Variants in HDAC9 observed in about 807,000 individuals in gnomAD.
HDAC9 encodes the protein MEF-2 interacting transcription repressor (MITR) protein.
Under a neutral mutation model 139.4 loss-of-function variants are expected in HDAC9, and 41 were observed. The observed-to-expected ratio is 0.29, with a 90% confidence interval of 0.23 to 0.38. The LOEUF (loss-of-function observed/expected upper bound fraction) is 0.38. HDAC9 is among the 10% of genes least tolerant of loss of function. The pLI is 1.00. For missense variants in HDAC9, 1,147 were observed against 1,297.0 expected, an observed-to-expected ratio of 0.88 and a Z score of 1.78; for synonymous variants, 517 against 476.2, an observed-to-expected ratio of 1.09 and a Z score of -1.12.
chr7:18,131,468 C>T (rs1450008198), intron 1 of HDAC9, among the ~76,000 whole-genome samples: 1 of 152,158 alleles, frequency 6.6e-6, no homozygotes, highest in Non-Finnish European at 1.5e-5. Context: ...TGCTGCTTTA[C>T]TACCAAAGAA....
At chr7:18,424,017 G>A (rs1053086449) in intron 1 of HDAC9, among the ~76,000 whole-genome samples, 1 of 152,094 alleles carries the variant, frequency 6.6e-6, no homozygotes, top group African/African-American at 2.4e-5. Flanking sequence ...AATTATGAAG[G>A]TAGTTTTGAT....
intron 1 of HDAC9, among the ~76,000 whole-genome samples, chr7:18,321,296 C>T (rs1164374706): frequency 6.6e-6 from 1 of 152,184 alleles, no homozygotes; most frequent in East Asian, 1.9e-4. Flanking sequence ...CATACTCTTT[C>T]CATCCTATCC....
At chr7:18,783,025 C>A (rs969543454) in intron 16 of HDAC9, among the ~76,000 whole-genome samples, 6 of 152,122 alleles carry the variant, frequency 3.9e-5, no homozygotes, top group African/African-American at 1.4e-4. Context: ...AGGATTTGCC[C>A]AAAGCTTGCT....
intron 17 of HDAC9, among the ~76,000 whole-genome samples, chr7:18,802,436 A>G (rs1793379207): frequency 6.6e-6 from 1 of 151,958 alleles, no homozygotes; most frequent in Admixed American, 6.5e-5. Flanking sequence ...TGTTCTTGCT[A>G]TTTGTAAAAT....
chr7:18,303,573 A>G (rs1798715428), intron 1 of HDAC9, among the ~76,000 whole-genome samples: 1 of 152,102 alleles, frequency 6.6e-6, no homozygotes, highest in African/African-American at 2.4e-5. Flanking sequence ...ATTTACGTTG[A>G]AAAGCATAGG....
At chr7:18,936,985 TGAGA>T (rs890063936) in intron 23 of HDAC9, among the ~76,000 whole-genome samples, 1 of 151,488 alleles carries the variant, frequency 6.6e-6, no homozygotes, top group Non-Finnish European at 1.5e-5. Context: ...AGAAAAAATA[TGAGA>T]GAGAAAACTT....
chr7:18,164,205 G>A (rs1787847345), intron 2 of HDAC9, among the ~76,000 whole-genome samples: 1 of 152,144 alleles, frequency 6.6e-6, no homozygotes, highest in Admixed American at 6.6e-5. Context: ...TGTGCCAGGT[G>A]GGTAGGAGTT....
intron 1 of HDAC9, among the ~76,000 whole-genome samples, chr7:18,461,482 T>C (rs1051885505): frequency 2.0e-5 from 3 of 152,218 alleles, no homozygotes; most frequent in African/African-American, 7.2e-5. Context: ...CTAAAATGTT[T>C]ATAATATTGT....
At chr7:18,859,340 T>G (rs1338528129) in intron 21 of HDAC9, among the ~76,000 whole-genome samples, 1 of 152,102 alleles carries the variant, frequency 6.6e-6, no homozygotes, top group Non-Finnish European at 1.5e-5. Flanking sequence ...TCTCCTGTTA[T>G]TTTAGCTATG....
At chr7:18,818,500 A>AG in intron 17 of HDAC9, among the ~76,000 whole-genome samples, 1 of 152,242 alleles carries the variant, frequency 6.6e-6, no homozygotes, top group Non-Finnish European at 1.5e-5. Context: ...TTGTCAGTTT[A>AG]TAAATGTCAC....
intron 24 of HDAC9, among the ~76,000 whole-genome samples, chr7:18,964,077 A>T (rs576229811): frequency 1.3e-5 from 2 of 152,152 alleles, no homozygotes; most frequent in Admixed American, 6.5e-5. Context: ...GATTTCCCCA[A>T]TGCAGGTCTT....
At chr7:18,825,767 AT>A (rs1795381316) in intron 17 of HDAC9, among the ~76,000 whole-genome samples, 1 of 148,284 alleles carries the variant, frequency 6.7e-6, no homozygotes, top group African/African-American at 2.4e-5. Flanking sequence ...TATCAAAATT[AT>A]ATAGATATAT....
upstream of HDAC9, among the ~76,000 whole-genome samples, chr7:18,287,343 A>G (rs545070622): frequency 3.9e-5 from 6 of 152,340 alleles, no homozygotes; most frequent in South Asian, 1.2e-3. Flanking sequence ...AGTTTATTCT[A>G]TATAATTCCT....
chr7:18,933,912 T>G (rs1198908171), intron 22 of HDAC9, among the ~76,000 whole-genome samples: 3 of 152,088 alleles, frequency 2.0e-5, no homozygotes, highest in African/African-American at 7.2e-5. Flanking sequence ...TGTAGCAGAT[T>G]AGAGATGTCT....
chr7:18,992,551 T>G (rs889557811), intron 25 of HDAC9, among the ~76,000 whole-genome samples: 2 of 152,178 alleles, frequency 1.3e-5, no homozygotes, highest in African/African-American at 4.8e-5. Context: ...AAATAAGAAT[T>G]AAATTAAATC....
Position 18,835,880 on chromosome 7 carries a change from G to A in HDAC9, c.2587-20G>A. On this transcript the variant is annotated intron_variant, in intron 20 of 25. Coordinates refer to ENST00000686413, the MANE Select transcript of HDAC9 (RefSeq NM_178425.4). ...TTTGCTCTCTTCTCTGCCCACCGTG[G>A]TGTGTCTTTCTCTTCCCAGGTTGGA... 1 of 1,485,836 alleles carries A rather than the reference G, an allele frequency of 6.7e-7. No individual in the cohort carries two copies. Among genetic ancestry groups the A allele is most frequent in the South Asian group, 1.2e-5 (1 of 81,710 alleles). 92.0% of individuals were successfully genotyped at this position (1,485,836 alleles called of 1,614,324 possible). A position where few individuals can be genotyped will look rare whatever the true frequency, so the allele number is the denominator to read the frequency against.
intron 2 of HDAC9, among the ~76,000 whole-genome samples, chr7:18,162,844 C>G (rs112906565): frequency 3.9e-5 from 6 of 152,226 alleles, no homozygotes; most frequent in African/African-American, 1.4e-4. Flanking sequence ...TAATTATAAT[C>G]TCAGCACCTG....
At chr7:18,241,097 C>A (rs1794158211) in intron 2 of HDAC9, among the ~76,000 whole-genome samples, 1 of 152,144 alleles carries the variant, frequency 6.6e-6, no homozygotes, top group South Asian at 2.1e-4. Context: ...GTCGTTCTTT[C>A]TAGGTCTTAA....
rs150675174 is a variant in HDAC9, at chr7:18,718,318, G to A, written c.1732-9262G>A. 9.5e-3 allele frequency among the ~76,000 whole-genome samples: 1,448 copies of A among 152,146 alleles called. 11 individuals carry two copies. The highest frequency in any genetic ancestry group is 0.016 in the Non-Finnish European group (1,102 of 67,982). On this transcript the variant is annotated intron_variant, in intron 12 of 25. Coordinates refer to ENST00000686413, the MANE Select transcript of HDAC9 (RefSeq NM_178425.4). Reference sequence around the variant, plus strand: ...GCGATGTTGGCTCACTGCAATCTCCGCCTTCCAGGTTCAAGCAATTCTCCT... The same window carrying A: ...GCGATGTTGGCTCACTGCAATCTCCACCTTCCAGGTTCAAGCAATTCTCCT...
Sources: allele counts gnomAD v4.1 joint callset (sites outside exome capture counted in the v4.1 genomes callset), GRCh38; gene constraint gnomAD v4.1.1; transcripts MANE v1.5; gene names NCBI Gene and HGNC (gene_info 2026-07-23, HGNC 2026-07-21).